The following MAGOHB variants were observed in gnomAD, a reference collection of about 807,000 sequenced individuals.
MAGOHB encodes mago homolog B, exon junction complex subunit, also known as protein mago nashi homolog 2.
In MAGOHB, 15 loss-of-function variants were observed where a neutral mutation model predicts 20.9. That is an observed-to-expected ratio of 0.72 (90% CI 0.48 to 1.11). MAGOHB has a LOEUF of 1.11. MAGOHB is among the 50% of genes least tolerant of loss of function. The pLI, the probability that MAGOHB is intolerant of heterozygous loss-of-function variation, is 0.00. For synonymous variants in MAGOHB, 50 were observed against 57.9 expected, an observed-to-expected ratio of 0.86 and a Z score of 0.62; for missense variants, 162 against 177.6, an observed-to-expected ratio of 0.91 and a Z score of 0.50.
chr12:10,609,874 T>C lies in MAGOHB; in HGVS notation c.221A>G (p.Glu74Gly), dbSNP rs1417110121. The change falls in exon 3 of 5, where the codon GAA (glutamate) becomes GGA (glycine). Residue 74 changes from glutamate to glycine, a missense_variant. By Grantham distance (98) the Glu-to-Gly change is moderately conservative (BLOSUM62 -2). Coordinates refer to ENST00000320756, the MANE Select transcript of MAGOHB (RefSeq NM_018048.5). ...RIIDDSEITK[E>G]DDALWPPPDR... ...AGGGGGAGGCCACAAAGCATCATCTTCTTTTGTAATTTCACTGTCATCAAT... is the reference window on the plus strand; with the variant it reads ...AGGGGGAGGCCACAAAGCATCATCTCCTTTTGTAATTTCACTGTCATCAAT... The C allele has an allele frequency of 6.2e-7, 1 of 1,613,368 alleles. No homozygotes were observed. The highest frequency in any genetic ancestry group is 1.1e-5 in the South Asian group (1 of 90,868).
downstream of MAGOHB, among the ~76,000 whole-genome samples, chr12:10,600,848 G>A (rs1039607755): frequency 2.6e-5 from 4 of 152,100 alleles, no homozygotes; most frequent in African/African-American, 4.8e-5. Flanking sequence ...AAGGAGTGTG[G>A]GATAGAGAGG....
rs1160457777 is a variant in MAGOHB at position 10,609,865 on chromosome 12, G to C, written c.230C>G (p.Ala77Gly). 5.0e-6 allele frequency: 8 copies of C among 1,612,792 alleles called. No homozygotes were observed. The highest frequency in any genetic ancestry group is 1.1e-5 in the South Asian group (1 of 90,898). ...DDSEITKEDD[A>G]LWPPPDRVGR... ...AACCCTATCAGGGGGAGGCCACAAA[G>C]CATCATCTTCTTTTGTAATTTCACT... Residue 77 changes from alanine (A) to glycine (G), a missense_variant, in exon 3 of 5, where the codon GCT becomes GGT. Coordinates refer to ENST00000320756, the MANE Select transcript of MAGOHB (RefSeq NM_018048.5).
At chr12:10,606,644 GA>G (rs1347795641) in intron 4 of MAGOHB, among the ~76,000 whole-genome samples, 1 of 151,366 alleles carries the variant, frequency 6.6e-6, no homozygotes, top group Non-Finnish European at 1.5e-5. Context: ...TAATAAAGCA[GA>G]AAAAAATAAT....
At chr12:10,612,530 C>T in intron 1 of MAGOHB, 1 of 298,770 alleles carries the variant, frequency 3.3e-6, no homozygotes, top group Non-Finnish European at 5.1e-6. Context: ...AGAACATTGT[C>T]CAAAGCCTGC....
intron 2 of MAGOHB, among the ~76,000 whole-genome samples, chr12:10,610,173 AAACACTGTATTCTGCCTTTGC>A (rs1401840127): frequency 1.3e-5 from 2 of 152,172 alleles, no homozygotes; most frequent in Admixed American, 6.5e-5. Context: ...CCTGTCTTTC[AAACACTGTATTCTGCCTTTGC>A]AACACTGAGA....
chr12:10,606,826 A>T (rs1046961015), intron 4 of MAGOHB, among the ~76,000 whole-genome samples: 1 of 152,024 alleles, frequency 6.6e-6, no homozygotes, highest in Non-Finnish European at 1.5e-5. Flanking sequence ...TCCTTGTTAG[A>T]CACTGGGGTT....
chr12:10,609,171 A>G (rs1404811491), intron 3 of MAGOHB: 1 of 206,526 alleles, frequency 4.8e-6, no homozygotes, highest in African/African-American at 2.3e-5. Context: ...CATGTGTTAG[A>G]TTTCTCCACA....
intron 1 of MAGOHB, chr12:10,612,579 G>T: frequency 1.3e-6 from 1 of 784,196 alleles, no homozygotes; most frequent in Non-Finnish European, 1.6e-6. Flanking sequence ...ATAGTTAAAT[G>T]TCTGTGCCTC....
intron 1 of MAGOHB, 140 bp from the exon 2 acceptor site, chr12:10,610,820 CTAGACATG>C (rs56018270): frequency 0.75 from 561,203 of 747,392 alleles, 216,798 homozygotes; most frequent in East Asian, 0.99. Flanking sequence ...AAGATCATTG[CTAGACATG>C]TAGACAATAA....
At chr12:10,612,063 T>C (rs1378519071) in intron 1 of MAGOHB, among the ~76,000 whole-genome samples, 2 of 152,026 alleles carry the variant, frequency 1.3e-5, no homozygotes, top group African/African-American at 4.8e-5. Context: ...TTCTAAATAA[T>C]TGCAGGGCTG....
At chr12:10,609,482 G>A in intron 3 of MAGOHB, 1 of 375,488 alleles carries the variant, frequency 2.7e-6, no homozygotes, top group South Asian at 2.1e-5. Context: ...AAGAATTTTA[G>A]AAGTTATGAT....
intron 4 of MAGOHB, 98 bp from the exon 5 acceptor site, chr12:10,606,472 G>C: frequency 1.5e-6 from 1 of 669,250 alleles, no homozygotes; most frequent in Non-Finnish European, 2.5e-6. Flanking sequence ...TAACAATTAA[G>C]TTAACAAAAT....
At position 10,613,571 on chromosome 12, in the gene MAGOHB, T is replaced by C. The variant is rs769148234; in HGVS notation, c.-39A>G. The C allele has an allele frequency of 1.8e-5, 26 of 1,412,878 alleles. No individual in the cohort carries two copies. The African/African-American group carries it at 3.5e-4, about 19-fold the overall frequency. The allele number at this position is 1,412,878 out of a possible 1,614,324, so 87.5% of individuals were successfully genotyped here. ...AAGCCCGCCGAAAACGCAGCCAACG[T>C]GTCCCCCGGCGCCTTGCAGTGACGT... On this transcript the variant is annotated 5_prime_UTR_variant, in exon 1 of 5. Transcript: ENST00000320756.
chr12:10,613,402 C>T, intron 1 of MAGOHB, 37 bp downstream of exon 1: 3 of 1,587,196 alleles, frequency 1.9e-6, no homozygotes, highest in Non-Finnish European at 2.6e-6. Context: ...GTCTCGCTCC[C>T]CTTTCCCAGC....
intron 4 of MAGOHB, among the ~76,000 whole-genome samples, chr12:10,607,082 G>C (rs982669186): frequency 1.3e-5 from 2 of 152,180 alleles, no homozygotes; most frequent in Admixed American, 6.5e-5. Flanking sequence ...AAATTTGATA[G>C]TTTAAAAGCA....
downstream of MAGOHB, among the ~76,000 whole-genome samples, chr12:10,601,277 A>G (rs1865552352): frequency 1.5e-5 from 1 of 67,682 alleles, no homozygotes; most frequent in Non-Finnish European, 3.1e-5. Flanking sequence ...AAACCTCCCA[A>G]CATTGACAAG....
chr12:10,603,447 C>T (rs1298101930), downstream of MAGOHB, among the ~76,000 whole-genome samples: 3 of 151,816 alleles, frequency 2.0e-5, no homozygotes, highest in African/African-American at 7.3e-5. Context: ...CCAACTGAAC[C>T]TCTAGTAATT....
At chr12:10,603,299 G>C (rs1865571591), downstream of MAGOHB, among the ~76,000 whole-genome samples, 1 of 131,848 alleles carries the variant, frequency 7.6e-6, no homozygotes, top group East Asian at 2.2e-4. Context: ...GGGTGACAGA[G>C]GGAGACTCCG....
At chr12:10,611,013 C>T (rs965306961) in intron 1 of MAGOHB, among the ~76,000 whole-genome samples, 4 of 152,152 alleles carry the variant, frequency 2.6e-5, no homozygotes, top group Admixed American at 2.0e-4. Context: ...ATGTCTGTAT[C>T]GGTGCTAAGT....
Sources: gnomAD v4.1 joint callset for allele counts (sites outside exome capture counted in the v4.1 genomes callset) on GRCh38, gnomAD v4.1.1 for gene constraint, MANE v1.5 for transcripts, NCBI Gene and HGNC (gene_info 2026-07-23, HGNC 2026-07-21) for gene names.